The following WDFY1 variants were observed in gnomAD, a reference collection of about 807,000 sequenced individuals.
WDFY1 encodes WD repeat and FYVE domain-containing protein 1.
In WDFY1, 32 loss-of-function variants were observed where a neutral mutation model predicts 56.4. That is an observed-to-expected ratio of 0.57 (90% CI 0.43 to 0.76). The LOEUF is 0.76. WDFY1 is among the 30% of genes least tolerant of loss of function. The probability of loss-of-function intolerance (pLI) is 0.00; values close to 1 mark genes in which losing one functional copy is unlikely to be tolerated. For missense variants in WDFY1, 480 were observed against 545.7 expected (o/e 0.88, Z 1.20); for synonymous variants, 192 against 197.3 (o/e 0.97, Z 0.23).
chr2:223,886,450 C>T lies in WDFY1; in HGVS notation c.832-1701G>A, dbSNP rs143819725. ...CTGCTAAAAGCCTGTTTAGGCCGGG[C>T]GCAGTGGCTCACACCTGTAATCCCA... is the stretch of plus-strand genomic sequence containing the variant. On this transcript the variant is annotated intron_variant, in intron 8 of 11. Coordinates refer to ENST00000233055, the MANE Select transcript of WDFY1 (RefSeq NM_020830.5). 4.8e-3 allele frequency among the ~76,000 whole-genome samples: 717 copies of T among 150,458 alleles called. 9 individuals are homozygous for T. The highest frequency in any genetic ancestry group is 0.016 in the African/African-American group (673 of 40,912).
Position 223,903,038 on chromosome 2 carries a change from G to C in WDFY1, c.335-1705C>G, listed in dbSNP as rs534576841. Among the ~76,000 whole-genome samples the C allele has an allele frequency of 3.9e-5, 6 of 152,202 alleles. No individual in the cohort carries two copies. The South Asian group carries it at 1.2e-3, about 32-fold the overall frequency. ...TTCTGATATCCTTTCTTTTATGAAA[G>C]TATGGTGAGATACAGTCATGCTTAT... On this transcript the variant is annotated intron_variant, in intron 4 of 11. Transcript: ENST00000233055.
At chr2:223,943,602 C>A (rs1399209986) in intron 1 of WDFY1, among the ~76,000 whole-genome samples, 3 of 152,204 alleles carry the variant, frequency 2.0e-5, no homozygotes, top group Non-Finnish European at 2.9e-5. Flanking sequence ...TGTGGACTAT[C>A]CCTATTTAAG....
chr2:223,899,123 A>C (rs1323379452), intron 5 of WDFY1, 53 bp from the exon 6 acceptor site: 20 of 1,398,696 alleles, frequency 1.4e-5, no homozygotes, highest in African/African-American at 2.8e-5. Context: ...AAGTCCTCTC[A>C]TAAGAGAGAT....
At chr2:223,914,147 C>T (rs1693750028) in intron 2 of WDFY1, among the ~76,000 whole-genome samples, 1 of 151,996 alleles carries the variant, frequency 6.6e-6, no homozygotes, top group African/African-American at 2.4e-5. Context: ...CAGGCAGCCA[C>T]CACCACACCA....
At position 223,935,348 on chromosome 2, in the gene WDFY1, A is replaced by G. The variant is rs562467675; in HGVS notation, c.137+9800T>C. Among the ~76,000 whole-genome samples the G allele has an allele frequency of 1.1e-4, 16 of 152,344 alleles. No individual in the cohort carries two copies. In the East Asian group the frequency reaches 2.9e-3, roughly 28 times the overall value. ...GACCTTGAAGGGAAGTGTTTTGAGC[A>G]AAGTAGTATGTGGTTGACAAAGAAA... On this transcript the variant is annotated intron_variant, in intron 1 of 11. Transcript: ENST00000233055.
At chr2:223,901,156 G>T (rs773030891) in intron 5 of WDFY1, 27 bp downstream of exon 5, 2 of 1,600,532 alleles carry the variant, frequency 1.2e-6, no homozygotes, top group Non-Finnish European at 1.7e-6. Flanking sequence ...GCCAGGGGAA[G>T]GAGAGGTCCG....
chr2:223,884,525 T>C (rs1693137419), intron 9 of WDFY1, 123 bp downstream of exon 9: 10 of 874,758 alleles, frequency 1.1e-5, no homozygotes, highest in South Asian at 3.0e-5. Context: ...GATAAAGACA[T>C]AGAAAATGTA....
intron 1 of WDFY1, among the ~76,000 whole-genome samples, chr2:223,925,637 T>C (rs1693967000): frequency 6.6e-6 from 1 of 152,228 alleles, no homozygotes; most frequent in Admixed American, 6.5e-5. Context: ...CTCTGTAGCA[T>C]GCAATGCAAT....
chr2:223,913,337 C>G (rs1353642481), intron 2 of WDFY1, among the ~76,000 whole-genome samples: 1 of 151,980 alleles, frequency 6.6e-6, no homozygotes, highest in South Asian at 2.1e-4. Context: ...AACTATAATA[C>G]TGGATCGTAC....
At chr2:223,923,111 A>C (rs1693914524) in intron 1 of WDFY1, among the ~76,000 whole-genome samples, 1 of 152,148 alleles carries the variant, frequency 6.6e-6, no homozygotes, top group African/African-American at 2.4e-5. Flanking sequence ...ACTGGCCTGG[A>C]TGGTTGGCGC....
intron 9 of WDFY1, among the ~76,000 whole-genome samples, chr2:223,883,794 C>T (rs1380442795): frequency 3.9e-5 from 6 of 152,032 alleles, no homozygotes; most frequent in Non-Finnish European, 4.4e-5. Flanking sequence ...TACAGGCGTC[C>T]GCCACCACAC....
chr2:223,931,746 C>T (rs1033871426), intron 1 of WDFY1, among the ~76,000 whole-genome samples: 4 of 148,942 alleles, frequency 2.7e-5, no homozygotes, highest in East Asian at 2.0e-4. Flanking sequence ...GAGGCAGTGG[C>T]GTGATCTCAG....
At chr2:223,944,683 G>A (rs1213685932) in intron 1 of WDFY1, among the ~76,000 whole-genome samples, 1 of 147,936 alleles carries the variant, frequency 6.8e-6, no homozygotes, top group Non-Finnish European at 1.5e-5. Context: ...CGGAGCTCCC[G>A]GGATGGACGG....
chr2:223,940,407 A>C (rs1689279762), intron 1 of WDFY1, among the ~76,000 whole-genome samples: 1 of 152,170 alleles, frequency 6.6e-6, no homozygotes, highest in Non-Finnish European at 1.5e-5. Flanking sequence ...AGAATGCACT[A>C]AATTTTGGAA....
At chr2:223,911,890 GCTGTCAGCCTTGAC>G (rs1159827139) in intron 3 of WDFY1, among the ~76,000 whole-genome samples, 3 of 151,180 alleles carry the variant, frequency 2.0e-5, no homozygotes, top group African/African-American at 7.3e-5. Context: ...ATCTCAGCTA[GCTGTCAGCCTTGAC>G]CTCCTGGGCT....
chr2:223,881,014 T>C (rs1194222916), intron 10 of WDFY1, among the ~76,000 whole-genome samples: 1 of 152,188 alleles, frequency 6.6e-6, no homozygotes, highest in African/African-American at 2.4e-5. Context: ...AGCTTTCCAA[T>C]GTGGACCTCT....
chr2:223,893,933 A>T (rs1693319169), intron 8 of WDFY1, among the ~76,000 whole-genome samples: 2 of 152,228 alleles, frequency 1.3e-5, no homozygotes, highest in African/African-American at 4.8e-5. Flanking sequence ...TGCAGTCCAA[A>T]TCACTGGATA....
At chr2:223,938,042 T>TA (rs1199643879) in intron 1 of WDFY1, among the ~76,000 whole-genome samples, 1 of 152,182 alleles carries the variant, frequency 6.6e-6, no homozygotes, top group East Asian at 1.9e-4. Flanking sequence ...GTATAATTTT[T>TA]AAAAAAGGAA....
At chr2:223,888,684 TC>T (rs1693212666) in intron 8 of WDFY1, among the ~76,000 whole-genome samples, 1 of 148,774 alleles carries the variant, frequency 6.7e-6, no homozygotes. Context: ...CCTCCCGGGT[TC>T]AAGCAATTCT....
Sources: allele counts gnomAD v4.1 joint callset (sites outside exome capture counted in the v4.1 genomes callset), GRCh38; gene constraint gnomAD v4.1.1; transcripts MANE v1.5; gene names NCBI Gene and HGNC (gene_info 2026-07-23, HGNC 2026-07-21).